Variants in DHX36 observed in about 807,000 individuals in gnomAD.
DHX36 encodes the protein DEAH-box helicase 36, also known as ATP-dependent DNA/RNA helicase DHX36.
Under a neutral mutation model 139.0 loss-of-function variants are expected in DHX36, and 50 were observed. The ratio of observed to expected loss-of-function variants is 0.36; its 90% CI spans 0.29 to 0.46. The LOEUF is 0.46. Among genes scored for constraint, DHX36 ranks in the 20% least tolerant of loss-of-function variants. The probability of loss-of-function intolerance (pLI) is 1.00; values close to 1 mark genes in which losing one functional copy is unlikely to be tolerated. For synonymous variants in DHX36, 425 were observed against 401.9 expected (o/e 1.06, Z -0.69); for missense variants, 1,024 against 1,211.3 (o/e 0.85, Z 2.29).
rs1299934150 is a variant in DHX36, at chr3:154,303,395, A to G, written c.1151T>C (p.Ile384Thr). The part of the protein sequence containing the change: ...FSEYFGNCPM[I>T]HIPGFTFPVV... ...CGGAAAGGTAAAACCAGGTATATGTATCATTGGACAGTTACCTATTACGGC... is the reference window on the plus strand; with the variant it reads ...CGGAAAGGTAAAACCAGGTATATGTGTCATTGGACAGTTACCTATTACGGC... Residue 384 changes from isoleucine to threonine, a missense_variant, in exon 9 of 25, where the codon ATA (isoleucine) becomes ACA (threonine). Ile to Thr is a moderately conservative substitution (Grantham distance 89). Transcript: ENST00000496811. The G allele has an allele frequency of 6.2e-7, 1 of 1,603,214 alleles. No homozygotes were observed. The highest frequency in any genetic ancestry group is 2.2e-5 in the East Asian group (1 of 44,670).
chr3:154,301,208 G>T, intron 9 of DHX36, 81 bp from the exon 10 acceptor site: 2 of 1,372,622 alleles, frequency 1.5e-6, no homozygotes, highest in South Asian at 1.5e-5. Flanking sequence ...TTATATTTAG[G>T]ATTTTCAAAA....
chr3:154,300,543 C>A (rs183177590), intron 11 of DHX36, 51 bp downstream of exon 11: 2 of 1,421,380 alleles, frequency 1.4e-6, no homozygotes, highest in African/African-American at 1.4e-5. Context: ...GGCCTTGATA[C>A]GTTAATAAAA....
At chr3:154,323,988 A>G (rs971306793) in intron 1 of DHX36, among the ~76,000 whole-genome samples, 186 bp downstream of exon 1, 1 of 152,198 alleles carries the variant, frequency 6.6e-6, no homozygotes, top group Non-Finnish European at 1.5e-5. Context: ...TTTTGGTCAG[A>G]TGAGCATGGC....
intron 5 of DHX36, 144 bp downstream of exon 5, chr3:154,309,509 T>G: frequency 1.7e-6 from 1 of 585,314 alleles, no homozygotes; most frequent in Middle Eastern, 4.9e-4. Context: ...TGGGCTTTAT[T>G]ATTAAACATG....
chr3:154,288,467 T>C (rs1461309327), intron 17 of DHX36, among the ~76,000 whole-genome samples: 1 of 152,158 alleles, frequency 6.6e-6, no homozygotes, highest in African/African-American at 2.4e-5. Flanking sequence ...AGGGGGCTTT[T>C]AGCATACTGG....
chr3:154,288,948 C>T lies in DHX36; in HGVS notation c.1949G>A (p.Gly650Glu), dbSNP rs747063807. Residue 650 changes from glycine to glutamate, a missense_variant, in exon 17 of 25, where the codon GGA becomes GAA. Gly to Glu is a moderately conservative substitution (Grantham distance 98, BLOSUM62 -2). This residue lies in a region of DHX36 where 470 missense variants were observed against 616.2 expected (regional missense o/e 0.76). Transcript: ENST00000496811. ...CLQIKILRLG[G>E]IAYFLSRLMD... ...TAATCTACTCAGAAAATAAGCAATT[C>T]CACCTAGCCTTAAAATCTAAGTGGG... 1 of 1,566,570 alleles carries T rather than the reference C, an allele frequency of 6.4e-7. No individual in the cohort carries two copies. The highest frequency in any genetic ancestry group is 8.7e-7 in the Non-Finnish European group (1 of 1,153,386).
At position 154,275,208 on chromosome 3, in the gene DHX36, T is replaced by A. The variant is rs534412469; in HGVS notation, c.*963A>T. On this transcript the variant is annotated 3_prime_UTR_variant, in exon 25 of 25. Coordinates refer to ENST00000496811, the MANE Select transcript of DHX36 (RefSeq NM_020865.3). The stretch of plus-strand genomic sequence containing the variant: ...TCTTTTATAATAAAATGGCGTAGTA[T>A]TTGCATGTTACCTAGGCACAACCTC... 6.6e-6 allele frequency: 1 copy of A among 152,328 alleles called. No individual in the cohort carries two copies. The highest frequency in any genetic ancestry group is 1.5e-5 in the Non-Finnish European group (1 of 68,056). The allele number at this position is 152,328 out of a possible 1,614,324, so 9.4% of individuals were successfully genotyped here. A position where few individuals can be genotyped will look rare whatever the true frequency, so the allele number is the denominator to read the frequency against.
At chr3:154,277,479 G>A (rs749787772) in intron 23 of DHX36, 119 bp downstream of exon 23, 14 of 915,362 alleles carry the variant, frequency 1.5e-5, no homozygotes, top group Admixed American at 3.5e-5. Context: ...AGTTACTCAC[G>A]TCACAGGAAT....
intron 12 of DHX36, among the ~76,000 whole-genome samples, chr3:154,299,300 A>G (rs146236780): frequency 9.1e-4 from 139 of 152,350 alleles, no homozygotes; most frequent in African/African-American, 3.3e-3. Context: ...TCAGAACTGT[A>G]AAAATTAAAT....
At position 154,299,836 on chromosome 3, in the gene DHX36, A is replaced by G; in HGVS notation, c.1549+2T>C. The G allele has an allele frequency of 6.3e-7, 1 of 1,590,520 alleles. No individual in the cohort carries two copies. Among genetic ancestry groups the G allele is most frequent in the South Asian group, 1.1e-5 (1 of 90,584 alleles). ...TTACAGTAAAATACATTTACATAGT[A>G]CCTGATTTAAACATTACTTGTGACA... On this transcript the variant is annotated splice_donor_variant, in intron 12 of 24. Transcript: ENST00000496811. LOFTEE classifies it high-confidence loss of function.
intron 1 of DHX36, 64 bp downstream of exon 1, chr3:154,324,110 G>A (rs1713305232): frequency 4.7e-6 from 7 of 1,487,976 alleles, no homozygotes; most frequent in Non-Finnish European, 5.4e-6. Flanking sequence ...AGAAAAAGGG[G>A]GCAGCGGGAG....
In DHX36 at chr3:154,311,690, A is replaced by G. The variant is rs745330387; in HGVS notation, c.604-16T>C. ...CTCTGAAATGCTGAAATTTAAAAAA[A>G]GTTTTAAATTTTCACAGAAGATATG... On this transcript the variant is annotated splice_polypyrimidine_tract_variant and intron_variant, in intron 3 of 24. Coordinates refer to ENST00000496811, the MANE Select transcript of DHX36 (RefSeq NM_020865.3). The G allele has an allele frequency of 2.5e-6, 4 of 1,591,104 alleles. No homozygotes were observed. Among genetic ancestry groups the G allele is most frequent in the Non-Finnish European group, 3.4e-6 (4 of 1,169,928 alleles).
At chr3:154,323,900 GAACTT>G (rs1462123614) in intron 1 of DHX36, among the ~76,000 whole-genome samples, 3 of 152,182 alleles carry the variant, frequency 2.0e-5, no homozygotes, top group South Asian at 2.1e-4. Context: ...GTTGGAACGT[GAACTT>G]AACATTTGCT....
intron 4 of DHX36, among the ~76,000 whole-genome samples, chr3:154,311,314 T>A (rs970948894): frequency 1.3e-5 from 2 of 152,150 alleles, no homozygotes; most frequent in African/African-American, 4.8e-5. Flanking sequence ...ATTAATACAA[T>A]AATTTGTATA....
intron 19 of DHX36, among the ~76,000 whole-genome samples, chr3:154,284,174 AGATT>A (rs1171444136): frequency 6.6e-6 from 1 of 152,086 alleles, no homozygotes; most frequent in Non-Finnish European, 1.5e-5. Context: ...ATGATAATAT[AGATT>A]TTGGTTTTTT....
intron 5 of DHX36, among the ~76,000 whole-genome samples, chr3:154,307,790 A>G (rs946325763): frequency 2.1e-5 from 3 of 144,912 alleles, no homozygotes; most frequent in African/African-American, 8.1e-5. Context: ...AAAAGAAATC[A>G]ATGTGTCAAA....
In DHX36 at chr3:154,276,367, A is replaced by G; in HGVS notation, c.2842-11T>C. 1 of 1,604,996 alleles carries G rather than the reference A, an allele frequency of 6.2e-7. No homozygotes were observed. The highest frequency in any genetic ancestry group is 1.3e-5 in the African/African-American group (1 of 74,528). On this transcript the variant is annotated splice_polypyrimidine_tract_variant and intron_variant, in intron 24 of 24. Coordinates refer to ENST00000496811, the MANE Select transcript of DHX36 (RefSeq NM_020865.3). ...TTCCTTTCTTAATTCCTAAGGTTGG[A>G]AAAATTATACATGTTCAACAAAGGC...
In DHX36 at chr3:154,301,139, A is replaced by G. The variant is rs752800291; in HGVS notation, c.1218-12T>C. 8 of 1,570,726 alleles carry G rather than the reference A, an allele frequency of 5.1e-6. No individual in the cohort carries two copies. In the African/African-American group the frequency reaches 9.7e-5, roughly 19 times the overall value. On this transcript the variant is annotated splice_polypyrimidine_tract_variant and intron_variant, in intron 9 of 24. Transcript: ENST00000496811. ...GTTCTGGAACATACCTAAAATAAAA[A>G]CATTCTTGAATATCTTCACTTTTTT...
At chr3:154,301,905 G>C (rs1227591200) in intron 9 of DHX36, among the ~76,000 whole-genome samples, 4 of 151,896 alleles carry the variant, frequency 2.6e-5, no homozygotes, top group Non-Finnish European at 5.9e-5. Context: ...AGATGGAATG[G>C]GGGAGGGGCT....
Sources: gnomAD v4.1 joint callset for allele counts (sites outside exome capture counted in the v4.1 genomes callset) on GRCh38, gnomAD v4.1.1 for gene constraint, gnomAD v4.1.1 regional missense constraint, MANE v1.5 for transcripts, NCBI Gene and HGNC (gene_info 2026-07-23, HGNC 2026-07-21) for gene names.